The following CDC42BPA variants were observed in gnomAD, a reference collection of about 807,000 sequenced individuals.
CDC42BPA encodes the protein serine/threonine-protein kinase MRCK alpha.
Under a neutral mutation model 223.5 loss-of-function variants are expected in CDC42BPA, and 80 were observed. The ratio of observed to expected loss-of-function variants is 0.36; its 90% confidence interval spans 0.30 to 0.43. The LOEUF (loss-of-function observed/expected upper bound fraction) is 0.43. CDC42BPA is among the 20% of genes least tolerant of loss of function. The pLI is 1.00. For synonymous variants in CDC42BPA, 694 were observed against 718.6 expected (o/e 0.97, Z 0.55); for missense variants, 1,743 against 2,099.9 (o/e 0.83, Z 3.32).
At chr1:227,291,267 G>C (rs537928624) in intron 1 of CDC42BPA, among the ~76,000 whole-genome samples, 1 of 152,120 alleles carries the variant, frequency 6.6e-6, no homozygotes, top group East Asian at 1.9e-4. Context: ...AAGAAGTCTA[G>C]GCTGGGCGCG....
At chr1:227,263,774 G>T (rs1248881835) in intron 1 of CDC42BPA, among the ~76,000 whole-genome samples, 1 of 151,894 alleles carries the variant, frequency 6.6e-6, no homozygotes, top group Non-Finnish European at 1.5e-5. Flanking sequence ...TAGAGACGGG[G>T]TTTCACCATG....
chr1:227,195,657 T>C (rs1057223003), intron 4 of CDC42BPA, among the ~76,000 whole-genome samples: 6 of 151,970 alleles, frequency 3.9e-5, no homozygotes, highest in African/African-American at 1.5e-4. Context: ...AATATACTTA[T>C]ATCTGTTCCT....
intron 32 of CDC42BPA, among the ~76,000 whole-genome samples, chr1:227,017,901 A>T (rs968541912): frequency 1.3e-5 from 2 of 152,096 alleles, no homozygotes; most frequent in African/African-American, 2.4e-5. Flanking sequence ...GAGAAGGAGG[A>T]GGTGAGAAGA....
chr1:227,018,265 T>C (rs1283608333), intron 32 of CDC42BPA, among the ~76,000 whole-genome samples: 2 of 151,942 alleles, frequency 1.3e-5, no homozygotes, highest in Non-Finnish European at 2.9e-5. Context: ...AATTTGGAAT[T>C]TGAGAATTAT....
intron 5 of CDC42BPA, among the ~76,000 whole-genome samples, chr1:227,163,087 A>G (rs929229037): frequency 1.7e-5 from 2 of 114,632 alleles, no homozygotes; most frequent in African/African-American, 6.4e-5. Context: ...TATGTTTCCA[A>G]ACATGTGTGT....
At chr1:227,145,150 T>C (rs1220256194) in intron 8 of CDC42BPA, among the ~76,000 whole-genome samples, 2 of 152,196 alleles carry the variant, frequency 1.3e-5, no homozygotes, top group Non-Finnish European at 2.9e-5. Flanking sequence ...GTTTTATGGT[T>C]TTAGGGAGAA....
At chr1:227,128,963 GAACCC>G in intron 11 of CDC42BPA, 141 bp downstream of exon 11, 1 of 608,640 alleles carries the variant, frequency 1.6e-6, no homozygotes, top group Non-Finnish European at 2.9e-6. Context: ...CTTGAGAGCA[GAACCC>G]ATTCTTATTT....
chr1:227,104,798 C>G (rs1210077640), intron 14 of CDC42BPA, among the ~76,000 whole-genome samples: 1 of 152,110 alleles, frequency 6.6e-6, no homozygotes, highest in Non-Finnish European at 1.5e-5. Flanking sequence ...ATGTATCTTA[C>G]AAGCCAAGCA....
At chr1:227,173,090 G>A (rs536036051) in intron 5 of CDC42BPA, among the ~76,000 whole-genome samples, 55 of 152,160 alleles carry the variant, frequency 3.6e-4, no homozygotes, top group African/African-American at 1.3e-3. Context: ...GATAAAAGGA[G>A]GAAACAAGTA....
chr1:227,151,014 AT>A (rs1198550224), intron 6 of CDC42BPA, among the ~76,000 whole-genome samples: 3 of 152,204 alleles, frequency 2.0e-5, no homozygotes, highest in Non-Finnish European at 2.9e-5. Context: ...TAGACATAAA[AT>A]TTACTATCTT....
At chr1:227,291,822 CT>C (rs987839571) in intron 1 of CDC42BPA, among the ~76,000 whole-genome samples, 1 of 151,746 alleles carries the variant, frequency 6.6e-6, no homozygotes, top group Admixed American at 6.6e-5. Flanking sequence ...ATCATTTAAA[CT>C]TTTTTTATTC....
intron 31 of CDC42BPA, among the ~76,000 whole-genome samples, chr1:227,024,171 A>G (rs769405426): frequency 3.3e-5 from 5 of 152,210 alleles, no homozygotes; most frequent in Non-Finnish European, 2.9e-5. Flanking sequence ...AAAAAGCATG[A>G]CCAGGCATTT....
chr1:227,179,999 G>A (rs942779030), intron 5 of CDC42BPA, among the ~76,000 whole-genome samples: 4 of 152,108 alleles, frequency 2.6e-5, no homozygotes, highest in African/African-American at 9.7e-5. Flanking sequence ...CTGGGGTTAG[G>A]AGTTCAAGAC....
chr1:227,104,718 T>C (rs545944364), intron 14 of CDC42BPA, among the ~76,000 whole-genome samples: 1 of 152,158 alleles, frequency 6.6e-6, no homozygotes, highest in East Asian at 1.9e-4. Context: ...TGCGTCCTTA[T>C]AAAAGGAGAA....
chr1:227,310,995 A>G (rs1201388150), intron 1 of CDC42BPA, among the ~76,000 whole-genome samples: 1 of 152,090 alleles, frequency 6.6e-6, no homozygotes, highest in African/African-American at 2.4e-5. Flanking sequence ...CCGGCCAAGG[A>G]GTTTTTATAT....
chr1:227,222,646 G>C (rs775261346), intron 2 of CDC42BPA, among the ~76,000 whole-genome samples: 5 of 152,348 alleles, frequency 3.3e-5, no homozygotes, highest in African/African-American at 7.2e-5. Context: ...TAGACACACA[G>C]GCCTTGCTGG....
intron 5 of CDC42BPA, among the ~76,000 whole-genome samples, chr1:227,170,760 G>A (rs1189623392): frequency 2.0e-5 from 3 of 152,210 alleles, no homozygotes; most frequent in Non-Finnish European, 4.4e-5. Context: ...ACTCCTAGTA[G>A]GGCTGACTGA....
intron 1 of CDC42BPA, among the ~76,000 whole-genome samples, chr1:227,293,549 G>A (rs1313442723): frequency 6.6e-6 from 1 of 151,532 alleles, no homozygotes; most frequent in Non-Finnish European, 1.5e-5. Flanking sequence ...CTATTGCTGG[G>A]TGCAGTGGCT....
chr1:227,064,414 CAAGCCAA>C (rs1419215381), intron 21 of CDC42BPA, among the ~76,000 whole-genome samples: 1 of 152,154 alleles, frequency 6.6e-6, no homozygotes, highest in Non-Finnish European at 1.5e-5. Context: ...ATAATACTCT[CAAGCCAA>C]GCTTTTTCAG....
Sources: allele counts gnomAD v4.1 joint callset (sites outside exome capture counted in the v4.1 genomes callset), GRCh38; gene constraint gnomAD v4.1.1; transcripts MANE v1.5; gene names NCBI Gene and HGNC (gene_info 2026-07-23, HGNC 2026-07-21).